NRXN1: variants seen among roughly 807,000 people sequenced by gnomAD.
NRXN1 encodes neurexin 1.
NRXN1 carries 39 observed loss-of-function variants against 150.9 expected under a neutral mutation model. That is an observed-to-expected ratio of 0.26 (90% CI 0.20 to 0.34). NRXN1 has a LOEUF of 0.34. NRXN1 is among the 10% of genes least tolerant of loss of function. The pLI is 1.00. For synonymous variants in NRXN1, 924 were observed against 757.0 expected, an observed-to-expected ratio of 1.22 and a Z score of -3.62; for missense variants, 1,815 against 1,949.9, an observed-to-expected ratio of 0.93 and a Z score of 1.30.
At chr2:50,372,657 A>G (rs2080114233) in intron 17 of NRXN1, among the ~76,000 whole-genome samples, 1 of 152,148 alleles carries the variant, frequency 6.6e-6, no homozygotes, top group Non-Finnish European at 1.5e-5. Context: ...AATGCTCACC[A>G]GATTTACTTG....
At chr2:50,779,710 G>A (rs546244676) in intron 5 of NRXN1, among the ~76,000 whole-genome samples, 1 of 152,166 alleles carries the variant, frequency 6.6e-6, no homozygotes, top group African/African-American at 2.4e-5. Context: ...GGAGCTTGCA[G>A]TGAGCTGAGA....
chr2:51,010,171 C>A (rs969022530), intron 2 of NRXN1, among the ~76,000 whole-genome samples: 4 of 151,914 alleles, frequency 2.6e-5, no homozygotes, highest in Admixed American at 6.6e-5. Flanking sequence ...CATAGATAAT[C>A]CCTCAAGATG....
rs143000878 is a variant in NRXN1, at chr2:50,790,175, C to G, written c.832+131694G>C. On this transcript the variant is annotated intron_variant, in intron 5 of 22. Coordinates refer to ENST00000401669, the MANE Select transcript of NRXN1 (RefSeq NM_001330078.2). ...CACACACACACACAAACAGGGTCTA[C>G]CTGTCCCATGGCTTCCGAATTATGA... Among the ~76,000 whole-genome samples the G allele has an allele frequency of 3.2e-4, 48 of 151,758 alleles. No individual in the cohort carries two copies. In the East Asian group the frequency reaches 8.4e-3, roughly 26 times the overall value.
At position 50,199,686 on chromosome 2, in the gene NRXN1, A is replaced by T. The variant is rs550193563; in HGVS notation, c.3546+37103T>A. ...AAGGATTTGTCAGTGAATTGTTTCC[A>T]AGAGTGGTAAGGGAGCATGCAATCA... On this transcript the variant is annotated intron_variant, in intron 18 of 22. Transcript: ENST00000401669. 7.7e-4 allele frequency among the ~76,000 whole-genome samples: 117 copies of T among 152,210 alleles called. 1 individual carries two copies. The highest frequency in any genetic ancestry group is 3.0e-3 in the Admixed American group (46 of 15,262).
At chr2:50,980,253 C>T (rs1575115583) in intron 2 of NRXN1, among the ~76,000 whole-genome samples, 1 of 151,966 alleles carries the variant, frequency 6.6e-6, no homozygotes, top group Non-Finnish European at 1.5e-5. Context: ...ACAGGTGCAC[C>T]CCACTACATG....
chr2:50,278,305 T>A (rs183990649), intron 17 of NRXN1, among the ~76,000 whole-genome samples: 8,096 of 78,508 alleles, frequency 0.1, 389 homozygotes, highest in Middle Eastern at 0.17. Context: ...TAATATATAT[T>A]TTATATATAT....
chr2:50,861,777 T>A (rs1456239718), intron 5 of NRXN1, among the ~76,000 whole-genome samples: 1 of 152,106 alleles, frequency 6.6e-6, no homozygotes, highest in African/African-American at 2.4e-5. Context: ...TTCCTACTGT[T>A]TGTGACATGA....
At chr2:50,954,741 A>G (rs1691985754) in intron 2 of NRXN1, among the ~76,000 whole-genome samples, 1 of 152,192 alleles carries the variant, frequency 6.6e-6, no homozygotes, top group Admixed American at 6.5e-5. Context: ...ACTGTGAATC[A>G]AGGCAGAGTT....
intron 17 of NRXN1, among the ~76,000 whole-genome samples, chr2:50,281,292 C>T (rs2071423446): frequency 1.3e-5 from 2 of 150,478 alleles, no homozygotes; most frequent in African/African-American, 5.0e-5. Flanking sequence ...ACTCCAGCCT[C>T]GGTGACAGAG....
chr2:51,026,523 T>C, intron 2 of NRXN1: 1 of 1,189,556 alleles, frequency 8.4e-7, no homozygotes, highest in Non-Finnish European at 1.2e-6. Context: ...AATGCCACAC[T>C]GTTTTAAGCC....
intron 2 of NRXN1, among the ~76,000 whole-genome samples, chr2:50,967,646 A>G: frequency 6.6e-6 from 1 of 152,048 alleles, no homozygotes; most frequent in Non-Finnish European, 1.5e-5. Flanking sequence ...TAAACTAAGT[A>G]CTAAATGGGA....
intron 19 of NRXN1, among the ~76,000 whole-genome samples, chr2:50,077,511 C>A (rs1297514192): frequency 6.6e-6 from 1 of 152,064 alleles, no homozygotes; most frequent in African/African-American, 2.4e-5. Context: ...TCGCCTCTAA[C>A]CACAAAATGC....
At chr2:50,718,939 C>T (rs1031614375) in intron 5 of NRXN1, among the ~76,000 whole-genome samples, 4 of 151,328 alleles carry the variant, frequency 2.6e-5, no homozygotes, top group Non-Finnish European at 4.4e-5. Flanking sequence ...CTTTAGGATG[C>T]GTTGCAAATA....
At chr2:50,602,208 T>C (rs1316726896) in intron 8 of NRXN1, among the ~76,000 whole-genome samples, 1 of 151,894 alleles carries the variant, frequency 6.6e-6, no homozygotes, top group Non-Finnish European at 1.5e-5. Flanking sequence ...GCACAGAAAA[T>C]ACAGACAGCA....
At chr2:50,873,494 C>G (rs1252099253) in intron 5 of NRXN1, among the ~76,000 whole-genome samples, 1 of 151,762 alleles carries the variant, frequency 6.6e-6, no homozygotes, top group Admixed American at 6.6e-5. Flanking sequence ...TATAATTGAG[C>G]TCATTTCCAG....
intron 5 of NRXN1, among the ~76,000 whole-genome samples, chr2:50,630,547 A>G (rs1189852125): frequency 6.6e-6 from 1 of 151,720 alleles, no homozygotes; most frequent in African/African-American, 2.4e-5. Context: ...CTTAAAGACA[A>G]GGATGCCTGC....
Position 50,202,208 on chromosome 2 carries a change from T to G in NRXN1, c.3546+34581A>C, listed in dbSNP as rs2062220051. Reference sequence around the variant, plus strand: ...ACACAGGAGTGGTGTATAGGAAGAATTAAAAAAGTAAGCTGGGGCTGGGCG... The same window carrying G: ...ACACAGGAGTGGTGTATAGGAAGAAGTAAAAAAGTAAGCTGGGGCTGGGCG... On this transcript the variant is annotated intron_variant, in intron 18 of 22. Coordinates refer to ENST00000401669, the MANE Select transcript of NRXN1 (RefSeq NM_001330078.2). Among the ~76,000 whole-genome samples, 4 of 152,212 alleles carry G rather than the reference T, an allele frequency of 2.6e-5. No individual in the cohort carries two copies. The South Asian group carries it at 8.3e-4, about 32-fold the overall frequency.
intron 21 of NRXN1, among the ~76,000 whole-genome samples, chr2:50,003,293 C>A (rs1373219451): frequency 2.0e-5 from 3 of 152,092 alleles, no homozygotes; most frequent in African/African-American, 7.2e-5. Flanking sequence ...TAGTTACTTT[C>A]AGCTGTGGGA....
At chr2:50,815,471 C>T (rs1225461840) in intron 5 of NRXN1, among the ~76,000 whole-genome samples, 4 of 152,096 alleles carry the variant, frequency 2.6e-5, no homozygotes, top group African/African-American at 4.8e-5. Context: ...AGCATTGGGT[C>T]ATTTCTGTGT....
Sources: allele counts gnomAD v4.1 joint callset (sites outside exome capture counted in the v4.1 genomes callset), GRCh38; gene constraint gnomAD v4.1.1; transcripts MANE v1.5; gene names NCBI Gene and HGNC (gene_info 2026-07-23, HGNC 2026-07-21).